Variants in ZFAND3 observed in about 807,000 individuals in gnomAD.
The protein encoded by ZFAND3 is zinc finger AN1-type containing 3, also known as AN1-type zinc finger protein 3.
A neutral mutation model predicts 29.6 loss-of-function variants in ZFAND3; 10 were observed. The ratio of observed to expected loss-of-function variants is 0.34; its 90% CI spans 0.21 to 0.57. ZFAND3 has a LOEUF of 0.57. Ranked by LOEUF, ZFAND3 falls within the 20% of genes least tolerant of loss-of-function variation. The pLI is 0.86. For missense variants in ZFAND3, 230 were observed against 304.5 expected, an observed-to-expected ratio of 0.76 and a Z score of 1.82; for synonymous variants, 128 against 112.6, an observed-to-expected ratio of 1.14 and a Z score of -0.87.
intron 1 of ZFAND3, among the ~76,000 whole-genome samples, chr6:37,867,324 A>G (rs889104481): frequency 6.6e-6 from 1 of 151,658 alleles, no homozygotes; most frequent in Non-Finnish European, 1.5e-5. Context: ...AAAAATTCAT[A>G]TGAATCACAG....
At chr6:38,037,882 A>G (rs1581859801) in intron 2 of ZFAND3, among the ~76,000 whole-genome samples, 1 of 152,232 alleles carries the variant, frequency 6.6e-6, no homozygotes, top group Admixed American at 6.5e-5. Context: ...AAGTTGTATG[A>G]ATCAAAGATT....
intron 2 of ZFAND3, among the ~76,000 whole-genome samples, chr6:37,989,377 ATTG>A (rs915074782): frequency 6.6e-6 from 1 of 152,174 alleles, no homozygotes; most frequent in East Asian, 1.9e-4. Context: ...CATGCTGGCT[ATTG>A]TTGGGTTCCT....
chr6:37,824,918 A>G (rs947165373), intron 1 of ZFAND3, among the ~76,000 whole-genome samples: 3 of 152,250 alleles, frequency 2.0e-5, no homozygotes, highest in Non-Finnish European at 2.9e-5. Flanking sequence ...AATAAATTTC[A>G]TTTCTGAAAT....
intron 1 of ZFAND3, among the ~76,000 whole-genome samples, chr6:37,904,210 T>A (rs1765369660): frequency 6.6e-6 from 1 of 152,216 alleles, no homozygotes; most frequent in Non-Finnish European, 1.5e-5. Flanking sequence ...GTGTATACAG[T>A]TTGTCATGTT....
At chr6:38,121,421 G>C (rs1280313980) in intron 5 of ZFAND3, among the ~76,000 whole-genome samples, 1 of 152,164 alleles carries the variant, frequency 6.6e-6, no homozygotes, top group Non-Finnish European at 1.5e-5. Flanking sequence ...ACCAAAACTT[G>C]AGGGAGCATC....
intron 2 of ZFAND3, among the ~76,000 whole-genome samples, chr6:37,949,140 T>G (rs1012508918): frequency 3.9e-5 from 6 of 152,182 alleles, no homozygotes; most frequent in African/African-American, 1.2e-4. Context: ...TTTTTGACTT[T>G]TTAATAATGT....
chr6:37,854,776 C>CT (rs199864679), intron 1 of ZFAND3, among the ~76,000 whole-genome samples: 13 of 80,570 alleles, frequency 1.6e-4, no homozygotes, highest in African/African-American at 2.4e-4. Flanking sequence ...CCCCCCCCCC[C>CT]TTTTTTTTTA....
intron 2 of ZFAND3, among the ~76,000 whole-genome samples, chr6:37,999,143 G>A (rs989958844): frequency 1.3e-5 from 2 of 152,168 alleles, no homozygotes; most frequent in East Asian, 3.8e-4. Context: ...CAATGAAGGG[G>A]GCATGTCAGA....
intron 2 of ZFAND3, among the ~76,000 whole-genome samples, chr6:38,025,883 T>G (rs1763438016): frequency 6.6e-6 from 1 of 152,054 alleles, no homozygotes; most frequent in Admixed American, 6.5e-5. Context: ...GTCTGGAAAG[T>G]CGGAAGGGAA....
At chr6:37,908,161 T>G (rs1256268814) in intron 1 of ZFAND3, among the ~76,000 whole-genome samples, 1 of 152,150 alleles carries the variant, frequency 6.6e-6, no homozygotes, top group African/African-American at 2.4e-5. Context: ...GTCAGTGAGG[T>G]TTGGAAGAAT....
intron 1 of ZFAND3, among the ~76,000 whole-genome samples, chr6:37,885,637 C>G (rs1002745803): frequency 1.5e-4 from 23 of 152,138 alleles, no homozygotes; most frequent in African/African-American, 5.6e-4. Context: ...GAGCAAGACT[C>G]TGTCTCAAAA....
chr6:37,971,564 A>AT (rs1762387487), intron 2 of ZFAND3, among the ~76,000 whole-genome samples: 1 of 152,172 alleles, frequency 6.6e-6, no homozygotes, highest in Middle Eastern at 3.4e-3. Context: ...TTTACTTAAG[A>AT]TTTTTTTCTG....
intron 2 of ZFAND3, among the ~76,000 whole-genome samples, chr6:38,053,557 A>G (rs974702267): frequency 6.6e-6 from 1 of 152,092 alleles, no homozygotes; most frequent in African/African-American, 2.4e-5. Flanking sequence ...GGTGTTGCAC[A>G]CTGGTAGTTG....
intron 1 of ZFAND3, among the ~76,000 whole-genome samples, chr6:37,834,171 C>T (rs1487272638): frequency 2.6e-5 from 4 of 152,172 alleles, no homozygotes; most frequent in Non-Finnish European, 4.4e-5. Flanking sequence ...TTCATCTCTC[C>T]CTTCTCTTCA....
intron 2 of ZFAND3, among the ~76,000 whole-genome samples, chr6:37,952,984 T>G (rs1762024304): frequency 6.6e-6 from 1 of 151,634 alleles, no homozygotes; most frequent in Non-Finnish European, 1.5e-5. Context: ...TTTTCCGTAG[T>G]TTTTTTTCAA....
chr6:37,957,340 T>A (rs1272946878), intron 2 of ZFAND3, among the ~76,000 whole-genome samples: 6 of 151,828 alleles, frequency 4.0e-5, no homozygotes, highest in African/African-American at 9.7e-5. Flanking sequence ...ATTCCAAGAC[T>A]CTTTTTGTTG....
At chr6:37,886,280 A>AAAAAAAAAAAAAAAAAAAAAAAAAAAC (rs1561922411) in intron 1 of ZFAND3, among the ~76,000 whole-genome samples, 1 of 128,866 alleles carries the variant, frequency 7.8e-6, no homozygotes, top group African/African-American at 3.0e-5. Context: ...AAAAAAAAAA[A>AAAAAAAAAAAAAAAAAAAAAAAAAAAC]AGTTCAAAGA....
chr6:37,943,120 T>G (rs6925563), intron 2 of ZFAND3, among the ~76,000 whole-genome samples: 12,271 of 152,102 alleles, frequency 0.081, 588 homozygotes, highest in African/African-American at 0.14. Context: ...AAAAATGATG[T>G]CTGTAGTAGA....
chr6:38,098,744 C>T lies in ZFAND3; in HGVS notation c.361+16287C>T, dbSNP rs143521147. On this transcript the variant is annotated intron_variant, in intron 4 of 5. Transcript: ENST00000287218. ...GTCTCGATCTCCTGACATCGTGATC[C>T]GCCTGCCTTGGCCTCCCAAAGTGCT... 5.3e-5 allele frequency among the ~76,000 whole-genome samples: 8 copies of T among 152,028 alleles called. 1 individual carries two copies. The East Asian group carries it at 5.8e-4, about 11-fold the overall frequency.
Sources: allele counts gnomAD v4.1 joint callset (sites outside exome capture counted in the v4.1 genomes callset), GRCh38; gene constraint gnomAD v4.1.1; transcripts MANE v1.5; gene names NCBI Gene and HGNC (gene_info 2026-07-23, HGNC 2026-07-21).